MUSK: variants seen among roughly 807,000 people sequenced by gnomAD.
MUSK encodes muscle, skeletal receptor tyrosine-protein kinase.
A neutral mutation model predicts 88.7 loss-of-function variants in MUSK; 55 were observed. That is an observed-to-expected ratio of 0.62 (90% CI 0.50 to 0.78). The LOEUF (loss-of-function observed/expected upper bound fraction) is 0.78, where lower values mean the gene tolerates loss of function less well. MUSK is among the 30% of genes least tolerant of loss of function. The probability of loss-of-function intolerance (pLI) is 0.00; values close to 1 mark genes in which losing one functional copy is unlikely to be tolerated. For synonymous variants in MUSK, 387 were observed against 391.9 expected (o/e 0.99, Z 0.15); for missense variants, 1,015 against 1,074.3 (o/e 0.94, Z 0.77).
rs973919548 is a variant in MUSK, at chr9:110,680,011, A to G, written c.80-2663A>G. On this transcript the variant is annotated intron_variant, in intron 1 of 14. Transcript: ENST00000374448. ...ACCACCATTTATGCTATTGTTTTTTATAACTCACCCCTTTCTTTCTGGTAT... is the reference window on the plus strand; with the variant it reads ...ACCACCATTTATGCTATTGTTTTTTGTAACTCACCCCTTTCTTTCTGGTAT... Among the ~76,000 whole-genome samples the G allele has an allele frequency of 3.9e-5, 6 of 152,122 alleles. No individual in the cohort carries two copies. The South Asian group carries it at 1.0e-3, about 26-fold the overall frequency.
At chr9:110,696,453 T>C (rs1014540499) in intron 4 of MUSK, among the ~76,000 whole-genome samples, 2 of 152,200 alleles carry the variant, frequency 1.3e-5, no homozygotes, top group Non-Finnish European at 2.9e-5. Flanking sequence ...TTAAGAGGAA[T>C]ACAAAGGTGT....
intron 3 of MUSK, among the ~76,000 whole-genome samples, chr9:110,691,030 A>G (rs1269670198): frequency 6.6e-6 from 1 of 151,120 alleles, no homozygotes; most frequent in Non-Finnish European, 1.5e-5. Flanking sequence ...GGACCCTGCT[A>G]ATTTTTGTAT....
intron 6 of MUSK, among the ~76,000 whole-genome samples, chr9:110,743,960 CT>C (rs869252095): frequency 0.014 from 2,039 of 143,742 alleles, 27 homozygotes; most frequent in African/African-American, 0.043. Context: ...GGGCAACATC[CT>C]TTTTTTTTTT....
intron 4 of MUSK, among the ~76,000 whole-genome samples, chr9:110,696,052 C>T (rs1484615874): frequency 6.6e-6 from 1 of 152,022 alleles, no homozygotes; most frequent in African/African-American, 2.4e-5. Flanking sequence ...CTTCAGGATG[C>T]CAAGGCCTGA....
chr9:110,725,024 CT>C (rs1490503981), intron 5 of MUSK, among the ~76,000 whole-genome samples: 2 of 151,944 alleles, frequency 1.3e-5, no homozygotes, highest in African/African-American at 4.8e-5. Flanking sequence ...ATAAAATGCA[CT>C]TATGTACACA....
intron 5 of MUSK, among the ~76,000 whole-genome samples, chr9:110,705,197 A>G (rs577785363): frequency 3.9e-5 from 6 of 152,126 alleles, no homozygotes; most frequent in Non-Finnish European, 8.8e-5. Flanking sequence ...TTAGTTTGAT[A>G]TTTTTGCAGT....
rs756877019 is a variant in MUSK at position 110,800,760 on chromosome 9, G to C, written c.2382G>C (p.Glu794Asp). 1 of 1,614,044 alleles carries C rather than the reference G, an allele frequency of 6.2e-7. No individual in the cohort carries two copies. The highest frequency in any genetic ancestry group is 1.1e-5 in the South Asian group (1 of 91,082). ...DVWAYGVVLW[E>D]IFSYGLQPYY... ...GGGCCTATGGCGTGGTCCTCTGGGAGATCTTCTCCTATGGCCTGCAGCCCT... is the reference window on the plus strand; with the variant it reads ...GGGCCTATGGCGTGGTCCTCTGGGACATCTTCTCCTATGGCCTGCAGCCCT... The change falls in exon 15 of 15, where the codon GAG becomes GAC. Residue 794 changes from glutamate (E) to aspartate (D), a missense_variant. Physicochemically the swap from Glu to Asp is conservative, Grantham distance 45. Transcript: ENST00000374448.
intron 14 of MUSK, among the ~76,000 whole-genome samples, chr9:110,790,420 T>C (rs549210039): frequency 1.3e-5 from 2 of 152,274 alleles, no homozygotes; most frequent in African/African-American, 2.4e-5. Flanking sequence ...GTGGAAGTAA[T>C]AGCACATTTG....
At chr9:110,718,788 T>G (rs963568426) in intron 5 of MUSK, among the ~76,000 whole-genome samples, 8 of 152,062 alleles carry the variant, frequency 5.3e-5, no homozygotes, top group African/African-American at 1.9e-4. Flanking sequence ...GTTATCAGGT[T>G]ATCTAGAATC....
chr9:110,683,802 T>A (rs557067854), intron 2 of MUSK, among the ~76,000 whole-genome samples: 85 of 152,208 alleles, frequency 5.6e-4, no homozygotes, highest in African/African-American at 1.9e-3. Flanking sequence ...TTGTTCAAAC[T>A]TTTTTGCCTA....
chr9:110,725,323 G>A (rs1037735543), intron 5 of MUSK, among the ~76,000 whole-genome samples: 10 of 151,992 alleles, frequency 6.6e-5, no homozygotes, highest in Non-Finnish European at 1.2e-4. Flanking sequence ...TTGTTAGGTG[G>A]ATAGAAGTGG....
At chr9:110,696,750 C>T (rs916123156) in intron 4 of MUSK, among the ~76,000 whole-genome samples, 1 of 151,952 alleles carries the variant, frequency 6.6e-6, no homozygotes, top group African/African-American at 2.4e-5. Context: ...TCTAAAGATA[C>T]CATCTAGGGT....
rs189598412 is a variant in MUSK at position 110,727,068 on chromosome 9, C to T, written c.629-7183C>T. Among the ~76,000 whole-genome samples the T allele has an allele frequency of 3.2e-4, 48 of 152,168 alleles. 1 individual carries two copies. Among genetic ancestry groups the T allele is most frequent in the Admixed American group, 2.9e-3 (44 of 15,268 alleles). On this transcript the variant is annotated intron_variant, in intron 5 of 14. Transcript: ENST00000374448. ...TTCATTTGAAGGTACATTTGACAGA[C>T]GACCTCTAAATCTCCTTTTAACGAT...
At chr9:110,789,080 A>G (rs954270266) in intron 14 of MUSK, among the ~76,000 whole-genome samples, 8 of 152,222 alleles carry the variant, frequency 5.3e-5, no homozygotes, top group African/African-American at 7.2e-5. Flanking sequence ...TTTTAATCTA[A>G]GTTGGGAAAC....
chr9:110,731,994 TA>T (rs781333553), intron 5 of MUSK, among the ~76,000 whole-genome samples: 5 of 151,992 alleles, frequency 3.3e-5, no homozygotes, highest in Non-Finnish European at 5.9e-5. Flanking sequence ...CTTGGCTTCA[TA>T]AATTAAAGCA....
chr9:110,675,188 G>T (rs892313850), intron 1 of MUSK, among the ~76,000 whole-genome samples: 1 of 146,332 alleles, frequency 6.8e-6, no homozygotes, highest in African/African-American at 2.5e-5. Flanking sequence ...GCTGGGATGT[G>T]AATTCAAGTC....
chr9:110,689,319 A>C (rs1342700451), intron 3 of MUSK, among the ~76,000 whole-genome samples: 2 of 117,552 alleles, frequency 1.7e-5, no homozygotes, highest in African/African-American at 3.5e-5. Context: ...TTAAATATAT[A>C]TTAAATATAT....
Position 110,668,854 on chromosome 9 carries a change from T to C in MUSK, c.-51T>C. 1 of 1,441,790 alleles carries C rather than the reference T, an allele frequency of 6.9e-7. No individual in the cohort carries two copies. Among genetic ancestry groups the C allele is most frequent in the East Asian group, 2.3e-5 (1 of 43,974 alleles). 89.3% of individuals were successfully genotyped at this position (1,441,790 alleles called of 1,614,324 possible). On this transcript the variant is annotated 5_prime_UTR_variant, in exon 1 of 15. Transcript: ENST00000374448. ...TTAAAATGTAAACTGTGGAGCCATT[T>C]TCCTTGCGTTGTCCAGAAGGAACTT...
At chr9:110,745,657 G>C (rs1359589456) in intron 6 of MUSK, among the ~76,000 whole-genome samples, 1 of 152,102 alleles carries the variant, frequency 6.6e-6, no homozygotes, top group Admixed American at 6.6e-5. Flanking sequence ...ATAATGATGA[G>C]TTTAGTTTGA....
Sources: gnomAD v4.1 joint callset for allele counts (sites outside exome capture counted in the v4.1 genomes callset) on GRCh38, gnomAD v4.1.1 for gene constraint, MANE v1.5 for transcripts, NCBI Gene and HGNC (gene_info 2026-07-23, HGNC 2026-07-21) for gene names.